Variants in NBEAL2 observed in about 807,000 individuals in gnomAD.
NBEAL2 encodes neurobeachin like 2.
A neutral mutation model predicts 299.8 loss-of-function variants in NBEAL2; 160 were observed. The observed-to-expected ratio is 0.53, with a 90% CI of 0.47 to 0.61. The LOEUF (loss-of-function observed/expected upper bound fraction) is 0.61. Ranked by LOEUF, NBEAL2 falls within the 20% of genes least tolerant of loss-of-function variation. The pLI is 0.00. For missense variants in NBEAL2, 3,112 were observed against 3,649.0 expected (o/e 0.85, Z 3.79); for synonymous variants, 1,493 against 1,542.3 (o/e 0.97, Z 0.75).
chr3:47,003,958 C>A lies in NBEAL2; in HGVS notation c.5863C>A (p.Arg1955Ser). The A allele has an allele frequency of 9.9e-6, 16 of 1,613,224 alleles. No homozygotes were observed. Among genetic ancestry groups the A allele is most frequent in the Non-Finnish European group, 1.4e-5 (16 of 1,179,474 alleles). ...NVYFYDGSTE[R>S]VETEEGIGYD... ...ATACTTCTACGATGGCAGCACTGAG[C>A]GCGTGGAAACCGAGGAGGGTGCGTC... The change falls in exon 36 of 54, where the codon CGC (arginine) becomes AGC (serine). Residue 1955 changes from arginine to serine, a missense_variant. This residue lies in a region of NBEAL2 where 521 missense variants were observed against 729.6 expected (regional missense o/e 0.71). Coordinates refer to ENST00000450053, the MANE Select transcript of NBEAL2 (RefSeq NM_015175.3). This position sits in a 1 kb window ranked among gnomAD's most constrained non-coding sequence, Gnocchi z 7.0.
intron 15 of NBEAL2, 104 bp downstream of exon 15, chr3:46,996,155 C>A: frequency 1.0e-5 from 16 of 1,550,146 alleles, no homozygotes; most frequent in Non-Finnish European, 1.2e-5. Context: ...GCCCCACAGG[C>A]CTGACTTTAG....
Position 46,989,243 on chromosome 3 carries a change from T to A in NBEAL2, c.352-17T>A. The A allele has an allele frequency of 6.2e-7, 1 of 1,612,206 alleles. No individual in the cohort carries two copies. The highest frequency in any genetic ancestry group is 8.5e-7 in the Non-Finnish European group (1 of 1,179,110). ...GGTAGCCATGGCGGGGCTAACCCTC[T>A]CTCCCCACACCTACAGCTGAAAGGA... On this transcript the variant is annotated splice_polypyrimidine_tract_variant and intron_variant, in intron 4 of 53. Transcript: ENST00000450053. This position sits in a 1 kb window ranked among gnomAD's most constrained non-coding sequence, Gnocchi z 5.5.
In NBEAL2 at chr3:47,002,693, C is replaced by T. The variant is rs759587349; in HGVS notation, c.5350C>T (p.Arg1784Cys). 5 of 1,603,150 alleles carry T rather than the reference C, an allele frequency of 3.1e-6. No individual in the cohort carries two copies. The highest frequency in any genetic ancestry group is 2.2e-5 in the East Asian group (1 of 44,602). The change falls in exon 33 of 54, where the codon CGC becomes TGC. Residue 1784 changes from arginine (R) to cysteine (C), a missense_variant. This residue lies in a region of NBEAL2 where 2,243 missense variants were observed against 2,538.1 expected (regional missense o/e 0.88). Coordinates refer to ENST00000450053, the MANE Select transcript of NBEAL2 (RefSeq NM_015175.3). ...GAGGCGGGCGCGCCTGGAGGGGCTA[C>T]GCTACACGGCAGTGCTGAAGCAGCA... ...AQRRARLEGL[R>C]YTAVLKQQAT...
chr3:46,993,523 T>A (rs2036259639), intron 10 of NBEAL2, among the ~76,000 whole-genome samples: 1 of 152,164 alleles, frequency 6.6e-6, no homozygotes, highest in African/African-American at 2.4e-5. Context: ...TGATTGATTG[T>A]CCCTAAATCT....
chr3:47,001,781 TGGC>T lies in NBEAL2; in HGVS notation c.4738_4740del (p.Gly1580del). 6.2e-7 allele frequency: 1 copy of T among 1,613,900 alleles called. No homozygotes were observed. The highest frequency in any genetic ancestry group is 8.5e-7 in the Non-Finnish European group (1 of 1,179,888). ...CTGATCTCCGTGAGATGGCGCAGAT[TGGC>T]CTACGGCTTGTACTTGGCTACATCC... On this transcript the variant is annotated inframe_deletion, in exon 30 of 54. Transcript: ENST00000450053. The surrounding 1 kb of genome is among the most constrained non-coding windows in gnomAD (Gnocchi z 6.1).
intron 1 of NBEAL2, among the ~76,000 whole-genome samples, chr3:46,985,509 G>A (rs890201159): frequency 2.6e-5 from 4 of 152,106 alleles, no homozygotes; most frequent in African/African-American, 9.7e-5. Flanking sequence ...GCCCACCCAG[G>A]GACTGTTTGA....
In NBEAL2 at chr3:47,000,924, G is replaced by C; in HGVS notation, c.4306-77G>C. 1.9e-6 allele frequency: 3 copies of C among 1,541,422 alleles called. No individual in the cohort carries two copies. The South Asian group carries it at 3.6e-5, about 18-fold the overall frequency. On this transcript the variant is annotated intron_variant, in intron 27 of 53. Coordinates refer to ENST00000450053, the MANE Select transcript of NBEAL2 (RefSeq NM_015175.3). This position sits in a 1 kb window ranked among gnomAD's most constrained non-coding sequence, Gnocchi z 4.5. ...CTACCCCAGGAGGGGTGCTGAGTGGGGATGGGTGGGCGTCAGCCTGATTCC... is the reference window on the plus strand; with the variant it reads ...CTACCCCAGGAGGGGTGCTGAGTGGCGATGGGTGGGCGTCAGCCTGATTCC...
At chr3:46,999,521 A>G in intron 25 of NBEAL2, 47 bp downstream of exon 25, 1 of 1,584,120 alleles carries the variant, frequency 6.3e-7, no homozygotes, top group Non-Finnish European at 8.6e-7. Context: ...TGTCAGAAAA[A>G]CAGGGCAGGC....
chr3:46,996,993 C>T lies in NBEAL2; in HGVS notation c.2596C>T (p.His866Tyr), dbSNP rs548985628. 2 of 1,613,430 alleles carry T rather than the reference C, an allele frequency of 1.2e-6. No homozygotes were observed. Among genetic ancestry groups the T allele is most frequent in the Admixed American group, 3.3e-5 (2 of 60,020 alleles). ...NNICLDLSPS[H>Y]GLDGRLTGHR... is the part of the protein sequence containing the mutation. ...CATCTGCCTGGACCTGTCCCCCAGT[C>T]ATGGGCTTGATGGGCGCCTGACGGG... The change falls in exon 18 of 54, where the codon CAT (histidine) becomes TAT (tyrosine). Residue 866 changes from histidine to tyrosine, a missense_variant. Transcript: ENST00000450053.
intron 16 of NBEAL2, 60 bp downstream of exon 16, chr3:46,996,652 A>G: frequency 1.3e-6 from 2 of 1,520,016 alleles, no homozygotes; most frequent in Non-Finnish European, 1.8e-6. Context: ...GTCCGGGGGG[A>G]GAAGGCATCT....
chr3:46,987,949 TC>T, intron 1 of NBEAL2: 1 of 1,253,770 alleles, frequency 8.0e-7, no homozygotes, highest in South Asian at 1.3e-5. Flanking sequence ...ACTCTGCGCT[TC>T]CTGCCCCAGC....
At position 47,007,612 on chromosome 3, in the gene NBEAL2, A is replaced by G. The variant is rs1192084391; in HGVS notation, c.7422A>G (p.Leu2474=). Residue 2474 remains leucine, a synonymous_variant, in exon 48 of 54, where the codon CTA becomes CTG. Transcript: ENST00000450053. ...ALAVAPDGKL[L]FSGGHWDGSL... ...CAGTGGCCCCGGATGGAAAGCTGCTATTCAGCGGTGGCCACTGGGATGGCA... is the reference window on the plus strand; with the variant it reads ...CAGTGGCCCCGGATGGAAAGCTGCTGTTCAGCGGTGGCCACTGGGATGGCA... 16 of 1,611,692 alleles carry G rather than the reference A, an allele frequency of 9.9e-6. No individual in the cohort carries two copies. Among genetic ancestry groups the G allele is most frequent in the Non-Finnish European group, 1.4e-5 (16 of 1,179,412 alleles).
chr3:47,007,163 C>A lies in NBEAL2; in HGVS notation c.7224+8C>A. Reference sequence around the variant, plus strand: ...GGTTCCCCAGACCTGTTGGTAAGTGCATTGTGCAGAGCCCCAGCTCAGCTC... The same window carrying A: ...GGTTCCCCAGACCTGTTGGTAAGTGAATTGTGCAGAGCCCCAGCTCAGCTC... On this transcript the variant is annotated splice_region_variant and intron_variant, in intron 46 of 53. Transcript: ENST00000450053. The A allele has an allele frequency of 6.2e-7, 1 of 1,613,390 alleles. No homozygotes were observed. Among genetic ancestry groups the A allele is most frequent in the Non-Finnish European group, 8.5e-7 (1 of 1,179,548 alleles).
intron 1 of NBEAL2, among the ~76,000 whole-genome samples, chr3:46,980,450 C>A (rs1347754573): frequency 6.6e-6 from 1 of 152,102 alleles, no homozygotes; most frequent in Non-Finnish European, 1.5e-5. Flanking sequence ...TCCCCCCACA[C>A]CCCAGCGAAC....
At position 47,001,209 on chromosome 3, in the gene NBEAL2, C is replaced by T. The variant is rs749412352; in HGVS notation, c.4484+30C>T. On this transcript the variant is annotated intron_variant, in intron 28 of 53. Transcript: ENST00000450053. This position sits in a 1 kb window ranked among gnomAD's most constrained non-coding sequence, Gnocchi z 6.1. ...GAGGGAAAGTCTGGAGGGGGAGGGG[C>T]TTCAGGAAGCCTCGGGGGAAGGAGA... The T allele has an allele frequency of 3.6e-5, 57 of 1,602,294 alleles. No homozygotes were observed. Among genetic ancestry groups the T allele is most frequent in the Middle Eastern group, 1.7e-4 (1 of 6,026 alleles).
chr3:47,005,897 C>CA (rs2037401128), intron 42 of NBEAL2, 49 bp from the exon 43 acceptor site: 1 of 1,612,322 alleles, frequency 6.2e-7, no homozygotes. Flanking sequence ...TTCTGAAGAT[C>CA]ATGGGGGGTC....
rs553906560 is a variant in NBEAL2 at position 47,004,755 on chromosome 3, C to T, written c.6294+165C>T. 405 of 942,118 alleles carry T rather than the reference C, an allele frequency of 4.3e-4. No individual in the cohort carries two copies. In the African/African-American group the frequency reaches 5.8e-3, roughly 14 times the overall value. The allele number at this position is 942,118 out of a possible 1,614,324, so 58.4% of individuals were successfully genotyped here. A position where few individuals can be genotyped will look rare whatever the true frequency, so the allele number is the denominator to read the frequency against. On this transcript the variant is annotated intron_variant, in intron 38 of 53. Coordinates refer to ENST00000450053, the MANE Select transcript of NBEAL2 (RefSeq NM_015175.3). The surrounding 1 kb of genome is among the most constrained non-coding windows in gnomAD (Gnocchi z 5.0). ...GTTCCCTGCCAACCCCCAGAGGTCC[C>T]CAGCCTCACTCCCTTCCCCTCCCTG...
rs1282632010 is a variant in NBEAL2 at position 46,996,005 on chromosome 3, G to T, written c.2105G>T (p.Gly702Val). 6.2e-7 allele frequency: 1 copy of T among 1,612,396 alleles called. No individual in the cohort carries two copies. The highest frequency in any genetic ancestry group is 1.1e-5 in the South Asian group (1 of 90,852). ...SQNLVHVYKD[G>V]HLVKTAPLRC... Reference sequence around the variant, plus strand: ...AACCTGGTCCATGTCTACAAAGACGGCCATCTGGTCAAGACAGCACCCCTT... The same window carrying T: ...AACCTGGTCCATGTCTACAAAGACGTCCATCTGGTCAAGACAGCACCCCTT... The change falls in exon 15 of 54, where the codon GGC becomes GTC. Residue 702 changes from glycine to valine, a missense_variant. Transcript: ENST00000450053.
Position 46,989,452 on chromosome 3 carries a change from G to C in NBEAL2, c.474-59G>C. On this transcript the variant is annotated intron_variant, in intron 5 of 53. Coordinates refer to ENST00000450053, the MANE Select transcript of NBEAL2 (RefSeq NM_015175.3). The surrounding 1 kb of genome is among the most constrained non-coding windows in gnomAD (Gnocchi z 5.5). ...AGGATGGCCGCGCTGGGCCCAAGGA[G>C]GGGTGACGGCCAGGAGTGGTGAGAG... 1 of 1,565,024 alleles carries C rather than the reference G, an allele frequency of 6.4e-7. No individual in the cohort carries two copies. The highest frequency in any genetic ancestry group is 8.7e-7 in the Non-Finnish European group (1 of 1,154,842).
Sources: allele counts gnomAD v4.1 joint callset (sites outside exome capture counted in the v4.1 genomes callset), GRCh38; gene constraint gnomAD v4.1.1; regional missense constraint gnomAD v4.1.1; non-coding constraint Gnocchi (gnomAD v3.1); transcripts MANE v1.5; gene names NCBI Gene and HGNC (gene_info 2026-07-23, HGNC 2026-07-21).